NDUFS4: variants seen among roughly 807,000 people sequenced by gnomAD.
NDUFS4 encodes NADH dehydrogenase [ubiquinone] iron-sulfur protein 4, mitochondrial.
A neutral mutation model predicts 24.3 loss-of-function variants in NDUFS4; 28 were observed. The ratio of observed to expected loss-of-function variants is 1.15; its 90% CI spans 0.85 to 1.58. The LOEUF is 1.58. Among genes scored for constraint, NDUFS4 ranks in the 40% most tolerant of loss-of-function variants. The probability of loss-of-function intolerance (pLI) is 0.00; values close to 1 mark genes in which losing one functional copy is unlikely to be tolerated. For missense variants in NDUFS4, 223 were observed against 207.9 expected (o/e 1.07, Z -0.45); for synonymous variants, 93 against 69.7 (o/e 1.34, Z -1.67).
intron 1 of NDUFS4, among the ~76,000 whole-genome samples, chr5:53,570,546 G>C (rs367723092): frequency 1.3e-5 from 2 of 152,102 alleles, no homozygotes; most frequent in Non-Finnish European, 2.9e-5. Context: ...CTGGGTCATA[G>C]CTAAGTGTAT....
chr5:53,613,092 CT>C lies in NDUFS4; in HGVS notation c.177+9571del, dbSNP rs1231377273. Among the ~76,000 whole-genome samples the C allele has an allele frequency of 9.9e-5, 15 of 151,466 alleles. No homozygotes were observed. The East Asian group carries it at 1.5e-3, about 16-fold the overall frequency. The stretch of plus-strand genomic sequence containing the variant: ...GGCTTACTTTTGCTTTGACTGTTTA[CT>C]TTTTTTTTCCCCCTCTAAGGGGTCA... On this transcript the variant is annotated intron_variant, in intron 2 of 4. Transcript: ENST00000296684.
At chr5:53,625,984 C>T (rs981156376) in intron 2 of NDUFS4, among the ~76,000 whole-genome samples, 7 of 152,102 alleles carry the variant, frequency 4.6e-5, no homozygotes, top group Non-Finnish European at 1.0e-4. Flanking sequence ...TTTGCTGCAC[C>T]TATCAACTCA....
intron 4 of NDUFS4, among the ~76,000 whole-genome samples, chr5:53,667,736 A>G (rs1185544870): frequency 4.6e-5 from 7 of 152,326 alleles, no homozygotes; most frequent in African/African-American, 1.7e-4. Context: ...AGACTACTGG[A>G]TTAAGAGGCT....
chr5:53,634,912 G>T (rs187496567), intron 2 of NDUFS4, among the ~76,000 whole-genome samples: 84 of 152,126 alleles, frequency 5.5e-4, no homozygotes, highest in Middle Eastern at 3.4e-3. Flanking sequence ...AATCTGGCTG[G>T]GTGTGGTGGC....
At chr5:53,659,738 G>C (rs1172740474) in intron 4 of NDUFS4, among the ~76,000 whole-genome samples, 2 of 152,116 alleles carry the variant, frequency 1.3e-5, no homozygotes, top group East Asian at 3.9e-4. Flanking sequence ...AAATACAAAT[G>C]TGAAAGCACT....
At chr5:53,645,667 G>A (rs112470278) in intron 2 of NDUFS4, among the ~76,000 whole-genome samples, 5,034 of 152,164 alleles carry the variant, frequency 0.033, 293 homozygotes, top group African/African-American at 0.11. Context: ...TTCACCAAAG[G>A]GGGGAGATAC....
intron 1 of NDUFS4, among the ~76,000 whole-genome samples, chr5:53,571,002 A>G (rs563410220): frequency 3.3e-5 from 5 of 152,180 alleles, no homozygotes; most frequent in Admixed American, 1.3e-4. Flanking sequence ...TATTTTAGCC[A>G]TTCTAGTAGG....
chr5:53,667,615 C>A (rs1318050952), intron 4 of NDUFS4, among the ~76,000 whole-genome samples: 3 of 152,074 alleles, frequency 2.0e-5, no homozygotes, highest in African/African-American at 7.2e-5. Flanking sequence ...CTCCCTATCC[C>A]CACAACTAAA....
At chr5:53,662,070 G>A (rs1406252964) in intron 4 of NDUFS4, among the ~76,000 whole-genome samples, 2 of 152,098 alleles carry the variant, frequency 1.3e-5, no homozygotes, top group African/African-American at 4.8e-5. Flanking sequence ...TCCCTGTCTT[G>A]TGCCAGTTTT....
chr5:53,679,152 A>T (rs1199289295), intron 4 of NDUFS4, among the ~76,000 whole-genome samples: 2 of 152,126 alleles, frequency 1.3e-5, no homozygotes, highest in Non-Finnish European at 2.9e-5. Flanking sequence ...TTGTCATTGG[A>T]CTTCCTCATA....
intron 2 of NDUFS4, among the ~76,000 whole-genome samples, chr5:53,631,602 A>C (rs1751412286): frequency 6.6e-6 from 1 of 152,156 alleles, no homozygotes; most frequent in African/African-American, 2.4e-5. Flanking sequence ...TGGAATCTAG[A>C]GAGGCAGTCA....
At chr5:53,601,625 C>A (rs565440938) in intron 1 of NDUFS4, among the ~76,000 whole-genome samples, 10 of 152,096 alleles carry the variant, frequency 6.6e-5, no homozygotes, top group African/African-American at 2.4e-4. Context: ...GTTTTAGTTA[C>A]CCACGGTCAG....
At chr5:53,595,110 T>A (rs1231163158) in intron 1 of NDUFS4, among the ~76,000 whole-genome samples, 1 of 152,158 alleles carries the variant, frequency 6.6e-6, no homozygotes, top group Non-Finnish European at 1.5e-5. Context: ...TGTACTCTGA[T>A]CTGTACTATT....
At chr5:53,607,200 A>G (rs1750547186) in intron 2 of NDUFS4, among the ~76,000 whole-genome samples, 1 of 152,168 alleles carries the variant, frequency 6.6e-6, no homozygotes, top group South Asian at 2.1e-4. Flanking sequence ...TGTCACTTCA[A>G]GGAGGTGTTG....
chr5:53,581,346 C>G (rs1157630077), intron 1 of NDUFS4, among the ~76,000 whole-genome samples: 1 of 152,122 alleles, frequency 6.6e-6, no homozygotes, highest in African/African-American at 2.4e-5. Context: ...TCTCATCAGT[C>G]TCAGTTTGTT....
chr5:53,628,309 C>T (rs1277437934), intron 2 of NDUFS4, among the ~76,000 whole-genome samples: 2 of 152,070 alleles, frequency 1.3e-5, no homozygotes, highest in African/African-American at 2.4e-5. Flanking sequence ...ATTTTTGCAT[C>T]GATGTTCATC....
chr5:53,677,002 C>G (rs1740494584), intron 4 of NDUFS4, among the ~76,000 whole-genome samples: 1 of 152,150 alleles, frequency 6.6e-6, no homozygotes, highest in African/African-American at 2.4e-5. Flanking sequence ...GATTCTGAGA[C>G]TCCCTATGAG....
At chr5:53,616,663 G>C (rs1750848864) in intron 2 of NDUFS4, among the ~76,000 whole-genome samples, 1 of 152,146 alleles carries the variant, frequency 6.6e-6, no homozygotes, top group African/African-American at 2.4e-5. Flanking sequence ...ATGTGGGCAG[G>C]AGCTGGATCA....
At chr5:53,621,716 T>G (rs1477079444) in intron 2 of NDUFS4, among the ~76,000 whole-genome samples, 1 of 129,658 alleles carries the variant, frequency 7.7e-6, no homozygotes, top group Non-Finnish European at 1.7e-5. Flanking sequence ...TTTTTTTTTT[T>G]TTTGAGACGG....
Sources: gnomAD v4.1 joint callset for allele counts (sites outside exome capture counted in the v4.1 genomes callset) on GRCh38, gnomAD v4.1.1 for gene constraint, MANE v1.5 for transcripts, NCBI Gene and HGNC (gene_info 2026-07-23, HGNC 2026-07-21) for gene names.